The following ANAPC16 variants were observed in gnomAD, a reference collection of about 807,000 sequenced individuals.
The protein encoded by ANAPC16 is anaphase-promoting complex subunit 16.
Under a neutral mutation model 13.1 loss-of-function variants are expected in ANAPC16, and 6 were observed. The observed-to-expected ratio is 0.46, with a 90% CI of 0.25 to 0.90. The LOEUF is 0.90. Ranked by LOEUF, ANAPC16 falls within the 40% of genes least tolerant of loss-of-function variation. ANAPC16 has a pLI of 0.18. For missense variants in ANAPC16, 113 were observed against 131.1 expected, an observed-to-expected ratio of 0.86 and a Z score of 0.67; for synonymous variants, 55 against 51.3, an observed-to-expected ratio of 1.07 and a Z score of -0.31.
At chr10:72,220,753 G>A (rs1193376063) in intron 1 of ANAPC16, 5 of 147,194 alleles carry the variant, frequency 3.4e-5, no homozygotes, top group Non-Finnish European at 7.4e-5. Flanking sequence ...AAATACTCAG[G>A]CTGGTCTAGG....
Position 72,217,923 on chromosome 10 carries a change from A to G in ANAPC16, c.-28+1785A>G, listed in dbSNP as rs982027613. 5.3e-5 allele frequency among the ~76,000 whole-genome samples: 8 copies of G among 151,916 alleles called. No individual in the cohort carries two copies. In the East Asian group the frequency reaches 1.5e-3, roughly 29 times the overall value. On this transcript the variant is annotated intron_variant, in intron 1 of 3. Transcript: ENST00000299381. Reference sequence around the variant, plus strand: ...ATTTTCGGATTTGAGAGGCTTAATCATTAAGTATAATGCAAATATCCCAAA... The same window carrying G: ...ATTTTCGGATTTGAGAGGCTTAATCGTTAAGTATAATGCAAATATCCCAAA...
chr10:72,232,813 C>G (rs1244021155), intron 3 of ANAPC16, among the ~76,000 whole-genome samples, 188 bp from the exon 4 acceptor site: 1 of 151,944 alleles, frequency 6.6e-6, no homozygotes, highest in African/African-American at 2.4e-5. Context: ...ACCATATTGG[C>G]CAGGATGGTC....
In ANAPC16 at chr10:72,232,886, G is replaced by A. The variant is rs564437905; in HGVS notation, c.218-115G>A. ...CCCAAAGTGCTGGGATTATAGGCGT[G>A]ATCCACCACACCCGGCCTAGAAATT... On this transcript the variant is annotated intron_variant, in intron 3 of 3. Coordinates refer to ENST00000299381, the MANE Select transcript of ANAPC16 (RefSeq NM_173473.4). The A allele has an allele frequency of 1.3e-5, 11 of 821,038 alleles. No individual in the cohort carries two copies. The East Asian group carries it at 2.9e-4, about 22-fold the overall frequency. 50.9% of individuals were successfully genotyped at this position (821,038 alleles called of 1,614,324 possible). A position where few individuals can be genotyped will look rare whatever the true frequency, so the allele number is the denominator to read the frequency against.
chr10:72,221,531 G>A lies in ANAPC16; in HGVS notation c.-27-2357G>A, dbSNP rs117772398. Among the ~76,000 whole-genome samples, 958 of 147,810 alleles carry A rather than the reference G, an allele frequency of 6.5e-3. 10 individuals carry two copies. Among genetic ancestry groups the A allele is most frequent in the Non-Finnish European group, 0.01 (675 of 67,026 alleles). ...AGAAAGTTCTATTAGCATGGCACTA[G>A]ACCATTTTTTCTTTTCTTTTTTTTT... On this transcript the variant is annotated intron_variant, in intron 1 of 3. Transcript: ENST00000299381.
intron 1 of ANAPC16, among the ~76,000 whole-genome samples, chr10:72,217,903 C>T (rs2133636736): frequency 6.6e-6 from 1 of 151,052 alleles, no homozygotes. Flanking sequence ...TTTAGATTTT[C>T]GGATTTGAGA....
chr10:72,218,145 C>CAAAAAAAAAAAAAAAAA lies in ANAPC16; in HGVS notation c.-28+2012_-28+2028dup, dbSNP rs142932037. On this transcript the variant is annotated intron_variant, in intron 1 of 3. Transcript: ENST00000299381. ...GGGCAACAAGAGTGAAACTCTGTCT[C>CAAAAAAAAAAAAAAAAA]AAAAAAAAAAAAAAAAAAAAATATA... Among the ~76,000 whole-genome samples the CAAAAAAAAAAAAAAAAA allele has an allele frequency of 2.6e-4, 9 of 34,880 alleles. 1 individual carries two copies. Among genetic ancestry groups the CAAAAAAAAAAAAAAAAA allele is most frequent in the African/African-American group, 1.7e-3 (7 of 4,216 alleles). The allele number at this position is 34,880 out of a possible 152,430, so 22.9% of individuals were successfully genotyped here.
chr10:72,233,119 C>G lies in ANAPC16; in HGVS notation c.*3C>G, dbSNP rs374220486. ...GATTCACCCCCTCTTCAGGTTGATA[C>G]TGCCTGGATGGTCACCTCTGGTGCG... On this transcript the variant is annotated 3_prime_UTR_variant, in exon 4 of 4. Coordinates refer to ENST00000299381, the MANE Select transcript of ANAPC16 (RefSeq NM_173473.4). 3 of 1,612,890 alleles carry G rather than the reference C, an allele frequency of 1.9e-6. No homozygotes were observed. Among genetic ancestry groups the G allele is most frequent in the Non-Finnish European group, 2.5e-6 (3 of 1,178,968 alleles).
chr10:72,234,549 T>TA lies in ANAPC16; in HGVS notation c.*1434dup. ...GTAAACAACTGGTATAATCATTTAT[T>TA]ACGTTGTATGCAAATTTTGCCTTAG... On this transcript the variant is annotated 3_prime_UTR_variant, in exon 4 of 4. Coordinates refer to ENST00000299381, the MANE Select transcript of ANAPC16 (RefSeq NM_173473.4). 1 of 152,368 alleles carries TA rather than the reference T, an allele frequency of 6.6e-6. No individual in the cohort carries two copies. The highest frequency in any genetic ancestry group is 3.4e-3 in the Middle Eastern group (1 of 294). The allele number at this position is 152,368 out of a possible 1,614,324, so 9.4% of individuals were successfully genotyped here. A position where few individuals can be genotyped will look rare whatever the true frequency, so the allele number is the denominator to read the frequency against.
Position 72,223,995 on chromosome 10 carries a change from C to T in ANAPC16, c.81C>T (p.Asp27=). The change falls in exon 2 of 4, where the codon GAC becomes GAT. Residue 27 remains aspartate, a synonymous_variant. Coordinates refer to ENST00000299381, the MANE Select transcript of ANAPC16 (RefSeq NM_173473.4). ...CTGGATCTGGTTTCAGTGTCTCAGA[C>T]CTTGCCCCACCACGGAAAGCCCTTT... The part of the protein sequence containing the change: ...SVTGSGFSVS[D]LAPPRKALFT... The T allele has an allele frequency of 6.2e-7, 1 of 1,612,258 alleles. No individual in the cohort carries two copies. The highest frequency in any genetic ancestry group is 1.1e-5 in the South Asian group (1 of 90,980).
At chr10:72,225,967 A>G (rs1007607867) in intron 2 of ANAPC16, among the ~76,000 whole-genome samples, 1 of 151,222 alleles carries the variant, frequency 6.6e-6, no homozygotes, top group African/African-American at 2.4e-5. Flanking sequence ...ACTTGATTCT[A>G]GTATTTTAGT....
intron 1 of ANAPC16, among the ~76,000 whole-genome samples, chr10:72,219,691 A>G (rs750896236): frequency 2.0e-5 from 3 of 152,208 alleles, no homozygotes; most frequent in African/African-American, 7.2e-5. Context: ...TAGCCAGGAT[A>G]GTGCCACTGC....
In ANAPC16 at chr10:72,227,454, CAAT is replaced by C. The variant is rs368323401; in HGVS notation, c.143-2908_143-2906del. On this transcript the variant is annotated intron_variant, in intron 2 of 3. Coordinates refer to ENST00000299381, the MANE Select transcript of ANAPC16 (RefSeq NM_173473.4). ...GTGTTTCTTACATTTCAAGTTTTAC[CAAT>C]AATCTTAAATCTTAAAAAGATTAAG... Among the ~76,000 whole-genome samples, 497 of 151,994 alleles carry C rather than the reference CAAT, an allele frequency of 3.3e-3. 4 individuals carry two copies. Among genetic ancestry groups the C allele is most frequent in the African/African-American group, 0.011 (466 of 41,446 alleles).
intron 2 of ANAPC16, 129 bp from the exon 3 acceptor site, chr10:72,230,237 G>A (rs571550512): frequency 6.8e-5 from 43 of 629,172 alleles, no homozygotes; most frequent in Middle Eastern, 8.6e-4. Flanking sequence ...AGCAGAACCC[G>A]TCTTTGTAAA....
intron 3 of ANAPC16, among the ~76,000 whole-genome samples, chr10:72,231,914 C>T (rs747471539): frequency 2.0e-5 from 3 of 151,726 alleles, no homozygotes; most frequent in African/African-American, 7.3e-5. Flanking sequence ...AGGCCGGGCA[C>T]GGTGGCTCAT....
rs1016751784 is a variant in ANAPC16, at chr10:72,216,069, C to T, written c.-97C>T. 1.3e-5 allele frequency: 2 copies of T among 152,332 alleles called. No individual in the cohort carries two copies. The highest frequency in any genetic ancestry group is 2.4e-5 in the African/African-American group (1 of 41,452). The allele number at this position is 152,332 out of a possible 1,614,324, so 9.4% of individuals were successfully genotyped here. On this transcript the variant is annotated 5_prime_UTR_variant, in exon 1 of 4. Coordinates refer to ENST00000299381, the MANE Select transcript of ANAPC16 (RefSeq NM_173473.4). ...GGGGCGAACACGCCGCGGTCCTCGT[C>T]GTGGTGAGCGCAGCCACTCAGGCTG...
At chr10:72,217,073 G>A (rs1265711662) in intron 1 of ANAPC16, 3 of 453,928 alleles carry the variant, frequency 6.6e-6, no homozygotes, top group Non-Finnish European at 1.3e-5. Context: ...CGAAATGCTC[G>A]GGACTGGAAG....
chr10:72,217,749 A>AC (rs1859598900), intron 1 of ANAPC16, among the ~76,000 whole-genome samples: 1 of 152,120 alleles, frequency 6.6e-6, no homozygotes, highest in African/African-American at 2.4e-5. Flanking sequence ...TGTATTAACT[A>AC]ATCTTTGTCA....
At chr10:72,221,619 C>G (rs1048465358) in intron 1 of ANAPC16, among the ~76,000 whole-genome samples, 1 of 132,614 alleles carries the variant, frequency 7.5e-6, no homozygotes, top group African/African-American at 2.9e-5. Flanking sequence ...ATGGAATGAT[C>G]TCAGCTCACT....
chr10:72,225,205 C>T (rs970662730), intron 2 of ANAPC16, among the ~76,000 whole-genome samples: 14 of 152,120 alleles, frequency 9.2e-5, no homozygotes, highest in African/African-American at 3.1e-4. Flanking sequence ...ATCACTTGAA[C>T]CCAGAAGGCA....
Sources: gnomAD v4.1 joint callset for allele counts (sites outside exome capture counted in the v4.1 genomes callset) on GRCh38, gnomAD v4.1.1 for gene constraint, MANE v1.5 for transcripts, NCBI Gene and HGNC (gene_info 2026-07-23, HGNC 2026-07-21) for gene names.